Variants in VWA3B observed in about 807,000 individuals in gnomAD.
VWA3B encodes von Willebrand factor A domain-containing protein 3B.
A neutral mutation model predicts 158.3 loss-of-function variants in VWA3B; 138 were observed. The observed-to-expected ratio is 0.87, with a 90% CI of 0.76 to 1.00. The LOEUF is 1.00. Among genes scored for constraint, VWA3B ranks in the 50% least tolerant of loss-of-function variants. The pLI is 0.00. For synonymous variants in VWA3B, 596 were observed against 587.3 expected (o/e 1.01, Z -0.21); for missense variants, 1,555 against 1,565.1 (o/e 0.99, Z 0.11).
intron 11 of VWA3B, 68 bp downstream of exon 11, chr2:98,193,104 G>A: frequency 6.6e-7 from 1 of 1,512,344 alleles, no homozygotes; most frequent in Non-Finnish European, 8.8e-7. Flanking sequence ...CAGTGGATAG[G>A]GGCTTGTTGC....
At chr2:98,193,082 G>T (rs1681737812) in intron 11 of VWA3B, 46 bp downstream of exon 11, 1 of 1,575,564 alleles carries the variant, frequency 6.3e-7, no homozygotes, top group South Asian at 1.2e-5. Flanking sequence ...TTGTGTATCA[G>T]ATGGTTATGA....
chr2:98,201,375 C>T (rs1409093402), intron 12 of VWA3B, among the ~76,000 whole-genome samples: 2 of 152,140 alleles, frequency 1.3e-5, no homozygotes, highest in Admixed American at 1.3e-4. Flanking sequence ...TACTTACCTG[C>T]TCTAGGAACT....
chr2:98,180,238 AG>A (rs1316658370), intron 8 of VWA3B, among the ~76,000 whole-genome samples: 2 of 144,886 alleles, frequency 1.4e-5, no homozygotes, highest in Non-Finnish European at 3.0e-5. Flanking sequence ...TCTCTTGCCC[AG>A]GCTGGAGCGC....
At chr2:98,320,325 C>T in the VWA3B span, among the ~76,000 whole-genome samples, 1 of 152,110 alleles carries the variant, frequency 6.6e-6, no homozygotes, top group African/African-American at 2.4e-5. Context: ...TCTAAATTAG[C>T]CAGTCTCGGG....
chr2:98,270,063 C>A (rs1196781209), intron 21 of VWA3B, among the ~76,000 whole-genome samples: 1 of 151,706 alleles, frequency 6.6e-6, no homozygotes, highest in African/African-American at 2.4e-5. Flanking sequence ...AATCCAGGAC[C>A]TGGGCCATCA....
At chr2:98,168,380 C>CAA (rs1679284899) in intron 8 of VWA3B, among the ~76,000 whole-genome samples, 1 of 143,886 alleles carries the variant, frequency 6.9e-6, no homozygotes, top group Non-Finnish European at 1.5e-5. Flanking sequence ...CACACATACA[C>CAA]ACACACACAC....
At chr2:98,222,586 G>A (rs1428718340) in intron 14 of VWA3B, among the ~76,000 whole-genome samples, 1 of 152,110 alleles carries the variant, frequency 6.6e-6, no homozygotes, top group Non-Finnish European at 1.5e-5. Context: ...TTGTCCCTGT[G>A]GGCCAAGGGC....
In VWA3B at chr2:98,229,743, C is replaced by T. The variant is rs111543932; in HGVS notation, c.2151-307C>T. Among the ~76,000 whole-genome samples, 1,519 of 152,216 alleles carry T rather than the reference C, an allele frequency of 1.0e-2. 31 individuals carry two copies. The highest frequency in any genetic ancestry group is 0.035 in the African/African-American group (1,437 of 41,522). ...ATAGGTGTGCAGGTGACGTTTCCTG[C>T]AGTTGATGGATGAGGAAAGTGAAGA... On this transcript the variant is annotated intron_variant, in intron 15 of 27. Coordinates refer to ENST00000477737, the MANE Select transcript of VWA3B (RefSeq NM_144992.5).
intron 2 of VWA3B, among the ~76,000 whole-genome samples, chr2:98,112,897 T>A (rs1674253136): frequency 6.6e-6 from 1 of 151,996 alleles, no homozygotes; most frequent in Non-Finnish European, 1.5e-5. Flanking sequence ...TTTTCTAGGT[T>A]ACTAACACTT....
In VWA3B at chr2:98,188,038, G is replaced by T; in HGVS notation, c.1375G>T (p.Asp459Tyr). The change falls in exon 10 of 28, where the codon GAT (aspartate) becomes TAT (tyrosine). Residue 459 changes from aspartate (D) to tyrosine (Y), a missense_variant. Coordinates refer to ENST00000477737, the MANE Select transcript of VWA3B (RefSeq NM_144992.5). ...CSRFVHAPWK[D>Y]GSLVHVNITK... is the part of the protein sequence containing the mutation. The stretch of plus-strand genomic sequence containing the variant: ...CAGGTTTGTCCATGCTCCCTGGAAG[G>T]ATGGGAGCTTGGTCCACGTCAACAT... 1.9e-6 allele frequency: 3 copies of T among 1,614,074 alleles called. No homozygotes were observed. The highest frequency in any genetic ancestry group is 2.5e-6 in the Non-Finnish European group (3 of 1,179,990).
chr2:98,173,922 G>A (rs937762914), intron 8 of VWA3B, among the ~76,000 whole-genome samples: 3 of 151,588 alleles, frequency 2.0e-5, no homozygotes, highest in African/African-American at 2.4e-5. Context: ...AGCCCAGATC[G>A]CACCACTGCA....
intron 8 of VWA3B, among the ~76,000 whole-genome samples, chr2:98,166,773 T>C (rs1679106073): frequency 6.8e-6 from 1 of 146,932 alleles, no homozygotes; most frequent in Non-Finnish European, 1.5e-5. Flanking sequence ...GGCAATGATG[T>C]ATCAGTTCCC....
At chr2:98,163,388 A>T (rs534918681) in intron 8 of VWA3B, among the ~76,000 whole-genome samples, 1 of 152,212 alleles carries the variant, frequency 6.6e-6, no homozygotes, top group South Asian at 2.1e-4. Flanking sequence ...AAATACAAAA[A>T]TTAGCTGGGT....
chr2:98,165,470 A>G (rs188565631), intron 8 of VWA3B, among the ~76,000 whole-genome samples: 53 of 152,236 alleles, frequency 3.5e-4, no homozygotes, highest in African/African-American at 1.2e-3. Flanking sequence ...TCCCCGGGTG[A>G]TCCTAGTGTG....
At chr2:98,219,387 A>G (rs1684294804) in intron 14 of VWA3B, among the ~76,000 whole-genome samples, 1 of 152,354 alleles carries the variant, frequency 6.6e-6, no homozygotes, top group African/African-American at 2.4e-5. Flanking sequence ...AGCAATAGAA[A>G]CTATCCAAAA....
At chr2:98,245,165 G>A (rs1019126122) in intron 19 of VWA3B, among the ~76,000 whole-genome samples, 9 of 151,998 alleles carry the variant, frequency 5.9e-5, no homozygotes, top group African/African-American at 2.2e-4. Context: ...TCCCTCGTTA[G>A]CCAGTTATGC....
chr2:98,329,195 T>C, the VWA3B span, among the ~76,000 whole-genome samples: 1 of 152,220 alleles, frequency 6.6e-6, no homozygotes, highest in African/African-American at 2.4e-5. Context: ...AGGAAATAGA[T>C]TAGATCATAG....
intron 12 of VWA3B, among the ~76,000 whole-genome samples, chr2:98,203,596 A>C (rs960774099): frequency 1.3e-5 from 2 of 152,146 alleles, no homozygotes; most frequent in African/African-American, 4.8e-5. Flanking sequence ...TAGGTCTTTG[A>C]TTTATTTCAT....
At chr2:98,140,375 G>A (rs1396420539) in intron 7 of VWA3B, among the ~76,000 whole-genome samples, 1 of 152,196 alleles carries the variant, frequency 6.6e-6, no homozygotes, top group Non-Finnish European at 1.5e-5. Flanking sequence ...ACAGAGTGCA[G>A]GAGATTTAGT....
Sources: allele counts gnomAD v4.1 joint callset (sites outside exome capture counted in the v4.1 genomes callset), GRCh38; gene constraint gnomAD v4.1.1; transcripts MANE v1.5; gene names NCBI Gene and HGNC (gene_info 2026-07-23, HGNC 2026-07-21).